GRIK1: variants seen among roughly 807,000 people sequenced by gnomAD.
The protein encoded by GRIK1 is glutamate receptor ionotropic, kainate 1.
Under a neutral mutation model 105.7 loss-of-function variants are expected in GRIK1, and 69 were observed. The ratio of observed to expected loss-of-function variants is 0.65; its 90% CI spans 0.54 to 0.80. The LOEUF is 0.80. Among genes scored for constraint, GRIK1 ranks in the 30% least tolerant of loss-of-function variants. GRIK1 has a pLI of 0.00. For synonymous variants in GRIK1, 438 were observed against 431.3 expected (o/e 1.02, Z -0.19); for missense variants, 1,109 against 1,167.3 (o/e 0.95, Z 0.73).
chr21:29,560,393 C>CT (rs1285584308), intron 15 of GRIK1, among the ~76,000 whole-genome samples: 1,677 of 80,900 alleles, frequency 0.021, 221 homozygotes, highest in East Asian at 0.092. Flanking sequence ...TCCTTCCTTC[C>CT]TTCCTTCCTT....
intron 7 of GRIK1, among the ~76,000 whole-genome samples, chr21:29,621,335 T>C (rs561846879): frequency 1.6e-4 from 24 of 152,224 alleles, no homozygotes; most frequent in African/African-American, 5.5e-4. Flanking sequence ...ATGTGGCACC[T>C]GACAGAAATC....
intron 7 of GRIK1, among the ~76,000 whole-genome samples, chr21:29,604,698 C>A (rs961831930): frequency 6.6e-5 from 10 of 152,104 alleles, no homozygotes; most frequent in African/African-American, 2.4e-4. Flanking sequence ...AAACTATTGT[C>A]CCTATTTTAG....
chr21:29,881,943 T>C (rs945013277), intron 1 of GRIK1, among the ~76,000 whole-genome samples: 14 of 152,150 alleles, frequency 9.2e-5, no homozygotes, highest in Non-Finnish European at 1.3e-4. Flanking sequence ...GCTTTTTCTA[T>C]TCACTATGCT....
intron 14 of GRIK1, among the ~76,000 whole-genome samples, chr21:29,569,631 C>T (rs1485277965): frequency 6.6e-6 from 1 of 152,162 alleles, no homozygotes; most frequent in African/African-American, 2.4e-5. Flanking sequence ...GATGATGGTT[C>T]ACAAGGATCA....
At chr21:29,816,766 A>T (rs1277079566) in intron 1 of GRIK1, among the ~76,000 whole-genome samples, 1 of 152,112 alleles carries the variant, frequency 6.6e-6, no homozygotes, top group Non-Finnish European at 1.5e-5. Flanking sequence ...AAGAGAGTAG[A>T]ATGAGAGTTA....
intron 4 of GRIK1, among the ~76,000 whole-genome samples, chr21:29,656,388 A>AAAAAAAAC (rs2062853988): frequency 6.7e-6 from 1 of 148,318 alleles, no homozygotes; most frequent in Non-Finnish European, 1.5e-5. Flanking sequence ...AAAAAAAAAA[A>AAAAAAAAC]AGAAATGAAG....
chr21:29,542,188 T>A (rs2146092361), intron 16 of GRIK1, among the ~76,000 whole-genome samples: 1 of 152,322 alleles, frequency 6.6e-6, no homozygotes, highest in Non-Finnish European at 1.5e-5. Context: ...TGCAGAAAGT[T>A]ATTTCTCTAC....
intron 1 of GRIK1, among the ~76,000 whole-genome samples, chr21:29,879,031 C>T (rs1321019181): frequency 6.6e-6 from 1 of 152,050 alleles, no homozygotes; most frequent in African/African-American, 2.4e-5. Flanking sequence ...ACTAAGACAG[C>T]CACTCAATGG....
intron 1 of GRIK1, among the ~76,000 whole-genome samples, chr21:29,842,127 A>G (rs1265209559): frequency 6.6e-6 from 1 of 152,160 alleles, no homozygotes; most frequent in African/African-American, 2.4e-5. Context: ...AAAGCCAATT[A>G]TAAATAATCT....
chr21:29,869,793 A>G (rs573863700), intron 1 of GRIK1, among the ~76,000 whole-genome samples: 2 of 152,216 alleles, frequency 1.3e-5, no homozygotes, highest in Non-Finnish European at 2.9e-5. Context: ...ACATTAAAAA[A>G]TCTATATTCA....
At chr21:29,651,024 A>G in intron 6 of GRIK1, 94 bp downstream of exon 6, 5 of 929,748 alleles carry the variant, frequency 5.4e-6, no homozygotes, top group Non-Finnish European at 6.2e-6. Context: ...CACCCACTGT[A>G]ACACTTTTCT....
At chr21:29,827,128 G>A (rs902243989) in intron 1 of GRIK1, among the ~76,000 whole-genome samples, 1 of 151,942 alleles carries the variant, frequency 6.6e-6, no homozygotes, top group Non-Finnish European at 1.5e-5. Context: ...ATTATATTTA[G>A]GGCTGCTTAA....
intron 3 of GRIK1, among the ~76,000 whole-genome samples, chr21:29,675,372 T>A (rs1395103007): frequency 1.5e-5 from 2 of 137,280 alleles, no homozygotes; most frequent in Non-Finnish European, 3.3e-5. Context: ...ATCACATAGA[T>A]TTTTTTTTTT....
intron 2 of GRIK1, 79 bp downstream of exon 2, chr21:29,693,817 G>C (rs1006729135): frequency 7.9e-6 from 8 of 1,018,250 alleles, no homozygotes; most frequent in Middle Eastern, 2.2e-4. Context: ...CTTTAAAAGA[G>C]GGCAGGTAGC....
At chr21:29,777,682 A>C (rs1042478590) in intron 1 of GRIK1, among the ~76,000 whole-genome samples, 2 of 152,210 alleles carry the variant, frequency 1.3e-5, no homozygotes, top group African/African-American at 4.8e-5. Context: ...TTCTAAGGCC[A>C]ATGGCAGCAC....
intron 1 of GRIK1, among the ~76,000 whole-genome samples, chr21:29,788,343 G>GGAGAAAGCATTCAGGCAGAGGAT (rs2066317796): frequency 6.6e-6 from 1 of 152,172 alleles, no homozygotes; most frequent in African/African-American, 2.4e-5. Flanking sequence ...GTGGTATCTG[G>GGAGAAAGCATTCAGGCAGAGGAT]GAGAAAGCAT....
chr21:29,591,049 A>C, intron 10 of GRIK1, 63 bp downstream of exon 10: 2 of 869,590 alleles, frequency 2.3e-6, no homozygotes, highest in Non-Finnish European at 4.0e-6. Flanking sequence ...CAGTTGAGGA[A>C]TGCTTCGAAG....
chr21:29,586,037 A>G (rs928322146), intron 12 of GRIK1, among the ~76,000 whole-genome samples: 11 of 152,224 alleles, frequency 7.2e-5, no homozygotes, highest in Non-Finnish European at 1.5e-4. Flanking sequence ...ATGTTTGTAG[A>G]CATTTCCAAA....
intron 1 of GRIK1, among the ~76,000 whole-genome samples, chr21:29,931,660 A>T (rs1343645981): frequency 1.3e-5 from 2 of 152,046 alleles, no homozygotes; most frequent in East Asian, 3.9e-4. Context: ...CTCCCTTCCC[A>T]GCACCAGAAT....
Sources: gnomAD v4.1 joint callset for allele counts (sites outside exome capture counted in the v4.1 genomes callset) on GRCh38, gnomAD v4.1.1 for gene constraint, MANE v1.5 for transcripts, NCBI Gene and HGNC (gene_info 2026-07-23, HGNC 2026-07-21) for gene names.